PAPPA: variants seen among roughly 807,000 people sequenced by gnomAD.
The protein encoded by PAPPA is pappalysin-1.
A neutral mutation model predicts 164.0 loss-of-function variants in PAPPA; 60 were observed. The ratio of observed to expected loss-of-function variants is 0.37; its 90% CI spans 0.30 to 0.45. PAPPA has a LOEUF of 0.45. Ranked by LOEUF, PAPPA falls within the 20% of genes least tolerant of loss-of-function variation. The probability of loss-of-function intolerance (pLI) is 1.00; values close to 1 mark genes in which losing one functional copy is unlikely to be tolerated. For missense variants in PAPPA, 1,782 were observed against 2,087.3 expected, an observed-to-expected ratio of 0.85 and a Z score of 2.85; for synonymous variants, 875 against 814.1, an observed-to-expected ratio of 1.07 and a Z score of -1.27.
intron 1 of PAPPA, among the ~76,000 whole-genome samples, chr9:116,176,236 A>G (rs757783931): frequency 1.3e-5 from 2 of 152,222 alleles, no homozygotes; most frequent in African/African-American, 4.8e-5. Context: ...ACACTCAGAG[A>G]TAGATTGAGA....
At chr9:116,192,943 T>C (rs1017052343) in intron 2 of PAPPA, among the ~76,000 whole-genome samples, 7 of 152,084 alleles carry the variant, frequency 4.6e-5, no homozygotes, top group Non-Finnish European at 8.8e-5. Context: ...CCAACCAAGT[T>C]CCTGTTTGGA....
At chr9:116,317,220 T>A (rs1845798210) in intron 10 of PAPPA, among the ~76,000 whole-genome samples, 1 of 152,242 alleles carries the variant, frequency 6.6e-6, no homozygotes, top group Non-Finnish European at 1.5e-5. Context: ...TGACCTTTCT[T>A]GAATAGGCCG....
At chr9:116,232,732 G>A (rs974608013) in intron 6 of PAPPA, among the ~76,000 whole-genome samples, 2 of 152,178 alleles carry the variant, frequency 1.3e-5, no homozygotes, top group East Asian at 3.8e-4. Context: ...GGTTACACTT[G>A]GTGCCTCTAG....
At chr9:116,180,764 C>T (rs1367862466) in intron 1 of PAPPA, among the ~76,000 whole-genome samples, 1 of 152,148 alleles carries the variant, frequency 6.6e-6, no homozygotes, top group Non-Finnish European at 1.5e-5. Flanking sequence ...CCCAGGAAAA[C>T]ATCCTAGGCA....
chr9:116,227,477 G>T lies in PAPPA; in HGVS notation c.2158G>T (p.Val720Leu). ...CHLCLEGRIL[V>L]QYASNASSPM... The stretch of plus-strand genomic sequence containing the variant: ...TCTTTGCCTGGAAGGGAGAATCCTG[G>T]TGCAGTATGCTTCCAACGCTTCCTC... Residue 720 changes from valine to leucine, a missense_variant, in exon 6 of 22, where the codon GTG becomes TTG. Around this residue, in one of 2 missense-constraint regions of PAPPA, gnomAD observed 1,324 missense variants for 1,656.9 expected, o/e 0.80. Transcript: ENST00000328252. The T allele has an allele frequency of 1.9e-6, 3 of 1,614,036 alleles. No individual in the cohort carries two copies. Among genetic ancestry groups the T allele is most frequent in the Non-Finnish European group, 2.5e-6 (3 of 1,179,942 alleles).
chr9:116,380,246 T>TAACA (rs1846710311), intron 20 of PAPPA, among the ~76,000 whole-genome samples: 1 of 152,166 alleles, frequency 6.6e-6, no homozygotes. Context: ...GCATAATGTG[T>TAACA]AACACATCGT....
At chr9:116,175,472 A>T (rs1843823354) in intron 1 of PAPPA, among the ~76,000 whole-genome samples, 1 of 152,236 alleles carries the variant, frequency 6.6e-6, no homozygotes, top group Non-Finnish European at 1.5e-5. Context: ...CGTATTTCAT[A>T]ATATCATGTT....
In PAPPA at chr9:116,289,368, G is replaced by GGCATATATATA. The variant is rs1845404539; in HGVS notation, c.2954-13382_2954-13372dup. 3.0e-4 allele frequency among the ~76,000 whole-genome samples: 30 copies of GGCATATATATA among 99,766 alleles called. 1 individual carries two copies. Among genetic ancestry groups the GGCATATATATA allele is most frequent in the Middle Eastern group, 6.0e-3 (1 of 168 alleles). 65.5% of individuals were successfully genotyped at this position (99,766 alleles called of 152,430 possible). ...TATGGCATATATATGGCATATATAT[G>GGCATATATATA]GCATATATATAGCATATGTATATAT... is the stretch of plus-strand genomic sequence containing the variant. On this transcript the variant is annotated intron_variant, in intron 9 of 21. Coordinates refer to ENST00000328252, the MANE Select transcript of PAPPA (RefSeq NM_002581.5).
rs115592679 is a variant in PAPPA at position 116,203,947 on chromosome 9, G to A, written c.1479-3509G>A. Among the ~76,000 whole-genome samples the A allele has an allele frequency of 6.4e-3, 968 of 152,300 alleles. 12 individuals carry two copies. The highest frequency in any genetic ancestry group is 0.022 in the African/African-American group (923 of 41,560). ...ATAAGAAAACCAAGAGAACTTGAGCGGTTGAGGTTGTAGAAGGAAGAAGGC... is the reference window on the plus strand; with the variant it reads ...ATAAGAAAACCAAGAGAACTTGAGCAGTTGAGGTTGTAGAAGGAAGAAGGC... On this transcript the variant is annotated intron_variant, in intron 2 of 21. Transcript: ENST00000328252.
At chr9:116,250,149 A>G (rs1284847734) in intron 7 of PAPPA, among the ~76,000 whole-genome samples, 1 of 151,982 alleles carries the variant, frequency 6.6e-6, no homozygotes, top group East Asian at 1.9e-4. Context: ...CCCATGGGGT[A>G]TCGGGGGTTA....
intron 12 of PAPPA, 195 bp downstream of exon 12, chr9:116,332,663 T>TA (rs1273037972): frequency 7.6e-6 from 4 of 527,224 alleles, no homozygotes; most frequent in Non-Finnish European, 1.3e-5. Context: ...ATCTGGCAGA[T>TA]ACAGGGATAA....
At chr9:116,395,193 G>C (rs1489817265) in intron 21 of PAPPA, among the ~76,000 whole-genome samples, 1 of 152,182 alleles carries the variant, frequency 6.6e-6, no homozygotes, top group African/African-American at 2.4e-5. Context: ...CACATCTCAA[G>C]TAGATGAGAG....
chr9:116,290,078 T>C (rs1845417512), intron 9 of PAPPA, among the ~76,000 whole-genome samples: 2 of 152,158 alleles, frequency 1.3e-5, no homozygotes, highest in Non-Finnish European at 2.9e-5. Flanking sequence ...TTTGAGTAGT[T>C]TTTAGTTTTC....
rs1463363643 is a variant in PAPPA, at chr9:116,399,160, A to G, written c.*2544A>G. The G allele has an allele frequency of 1.3e-5, 2 of 155,278 alleles. No homozygotes were observed. Among genetic ancestry groups the G allele is most frequent in the African/African-American group, 4.8e-5 (2 of 41,434 alleles). 9.6% of individuals were successfully genotyped at this position (155,278 alleles called of 1,614,324 possible). On this transcript the variant is annotated 3_prime_UTR_variant, in exon 22 of 22. Transcript: ENST00000328252. ...TCTATCTTCACTCCCATCATCATCTATTTTCACACTATCCAGCTAAGCAAA... is the reference window on the plus strand; with the variant it reads ...TCTATCTTCACTCCCATCATCATCTGTTTTCACACTATCCAGCTAAGCAAA...
intron 10 of PAPPA, among the ~76,000 whole-genome samples, chr9:116,305,134 GACACACACACACACACACACACACAC>G (rs57723920): frequency 7.7e-6 from 1 of 129,864 alleles, no homozygotes; most frequent in Non-Finnish European, 1.6e-5. Context: ...TGGGCACACA[GACACACACACACACACACACACACAC>G]ACACACACAC....
chr9:116,211,628 T>C lies in PAPPA; in HGVS notation c.1625-11T>C. 6.2e-7 allele frequency: 1 copy of C among 1,610,802 alleles called. No homozygotes were observed. The highest frequency in any genetic ancestry group is 8.5e-7 in the Non-Finnish European group (1 of 1,177,244). ...CCTAGTTTGCCTGATTCTCTGGATT[T>C]CCCCTTACAGGTGGCATTGTCTTGA... is the stretch of plus-strand genomic sequence containing the variant. On this transcript the variant is annotated splice_polypyrimidine_tract_variant and intron_variant, in intron 3 of 21. Coordinates refer to ENST00000328252, the MANE Select transcript of PAPPA (RefSeq NM_002581.5).
intron 9 of PAPPA, 35 bp from the exon 10 acceptor site, chr9:116,302,722 T>A: frequency 6.4e-7 from 1 of 1,560,970 alleles, no homozygotes; most frequent in Admixed American, 1.7e-5. Context: ...CAAATATTTA[T>A]TTATTCTCTC....
chr9:116,371,060 G>T (rs1846566331), intron 19 of PAPPA, among the ~76,000 whole-genome samples: 1 of 152,170 alleles, frequency 6.6e-6, no homozygotes, highest in Non-Finnish European at 1.5e-5. Flanking sequence ...AAACTGAAAT[G>T]CCACCTGAAC....
intron 1 of PAPPA, among the ~76,000 whole-genome samples, chr9:116,186,287 GATATAT>G (rs1205200598): frequency 2.1e-5 from 3 of 141,020 alleles, no homozygotes; most frequent in East Asian, 4.1e-4. Context: ...TATAGATATA[GATATAT>G]ATAGACAGAG....
Sources: gnomAD v4.1 joint callset for allele counts (sites outside exome capture counted in the v4.1 genomes callset) on GRCh38, gnomAD v4.1.1 for gene constraint, gnomAD v4.1.1 regional missense constraint, MANE v1.5 for transcripts, NCBI Gene and HGNC (gene_info 2026-07-23, HGNC 2026-07-21) for gene names.